The following WDFY4 variants were observed in gnomAD, a reference collection of about 807,000 sequenced individuals.
WDFY4 encodes the protein WD repeat- and FYVE domain-containing protein 4.
In WDFY4, 169 loss-of-function variants were observed where a neutral mutation model predicts 351.9. That is an observed-to-expected ratio of 0.48 (90% CI 0.42 to 0.55). The LOEUF is 0.55. Among genes scored for constraint, WDFY4 ranks in the 20% least tolerant of loss-of-function variants. WDFY4 has a pLI of 0.00. For synonymous variants in WDFY4, 1,622 were observed against 1,574.6 expected, an observed-to-expected ratio of 1.03 and a Z score of -0.71; for missense variants, 3,803 against 3,935.6, an observed-to-expected ratio of 0.97 and a Z score of 0.90.
chr10:48,740,461 G>A (rs2064817103), intron 11 of WDFY4, among the ~76,000 whole-genome samples: 1 of 152,220 alleles, frequency 6.6e-6, no homozygotes, highest in Non-Finnish European at 1.5e-5. Context: ...CCTCCAGGAT[G>A]GGGCAGGGAC....
chr10:48,848,711 C>T (rs928738447), intron 39 of WDFY4, among the ~76,000 whole-genome samples: 6 of 152,166 alleles, frequency 3.9e-5, no homozygotes, highest in Admixed American at 2.6e-4. Context: ...TTTTGGCGGG[C>T]TGGTGGGGAA....
At chr10:48,910,144 T>C in intron 47 of WDFY4, 1 of 1,203,260 alleles carries the variant, frequency 8.3e-7, no homozygotes, top group South Asian at 1.2e-5. Context: ...ACATCTCACT[T>C]GCCACTCTGT....
chr10:48,979,743 A>C (rs1842735559), intron 60 of WDFY4: 1 of 152,160 alleles, frequency 6.6e-6, no homozygotes, highest in South Asian at 2.1e-4. Flanking sequence ...ATTCAGCATC[A>C]ATGGTTGTGG....
chr10:48,823,295 G>A (rs2067889690), intron 35 of WDFY4: 1 of 1,287,348 alleles, frequency 7.8e-7, no homozygotes, highest in Non-Finnish European at 1.0e-6. Context: ...CCACCCAGGG[G>A]GATGTCTGTG....
chr10:48,908,638 T>TA (rs1837755023), intron 47 of WDFY4, among the ~76,000 whole-genome samples: 3 of 152,018 alleles, frequency 2.0e-5, no homozygotes, highest in Non-Finnish European at 2.9e-5. Flanking sequence ...TTTTTTTTTT[T>TA]AATTTTTATT....
At chr10:48,907,506 A>G (rs186953940) in intron 47 of WDFY4, among the ~76,000 whole-genome samples, 1 of 152,332 alleles carries the variant, frequency 6.6e-6, no homozygotes, top group African/African-American at 2.4e-5. Context: ...TTACAGTTGA[A>G]CATTTTCAGT....
At chr10:48,953,341 A>T (rs1265879975) in intron 51 of WDFY4, among the ~76,000 whole-genome samples, 10 of 142,852 alleles carry the variant, frequency 7.0e-5, no homozygotes, top group African/African-American at 1.8e-4. Flanking sequence ...TCTCACACAC[A>T]CACACACACA....
chr10:48,691,010 C>T (rs1483314975), intron 1 of WDFY4, among the ~76,000 whole-genome samples: 2 of 152,188 alleles, frequency 1.3e-5, no homozygotes, highest in African/African-American at 4.8e-5. Flanking sequence ...TGCTGCCTTC[C>T]ATGGTGCCCT....
rs1453920664 is a variant in WDFY4, at chr10:48,733,947, T to A, written c.1599T>A (p.Thr533=). ...ATATGGCAGGAAACAAAGTGTCCAC[T>A]CCTGGTGTTCAGGATCCAGAAAGAG... ...IMRKSGNKVS[T]PGVQDPEREL... is the part of the protein sequence containing the mutation. Residue 533 remains threonine (T), a synonymous_variant, in exon 10 of 62, where the codon ACT becomes ACA. Transcript: ENST00000325239. 1.3e-6 allele frequency: 2 copies of A among 1,551,746 alleles called. No homozygotes were observed. Among genetic ancestry groups the A allele is most frequent in the Admixed American group, 2.0e-5 (1 of 51,006 alleles).
rs1030667948 is a variant in WDFY4 at position 48,850,357 on chromosome 10, G to A, written c.6664-16908G>A. Among the ~76,000 whole-genome samples, 19 of 152,150 alleles carry A rather than the reference G, an allele frequency of 1.2e-4. 1 individual carries two copies. The highest frequency in any genetic ancestry group is 3.9e-4 in the East Asian group (2 of 5,170). ...TTATTTCTTCAATCTTATTTATGTC[G>A]GTAGAGATTCATTCATATTTATTTT... On this transcript the variant is annotated intron_variant, in intron 39 of 61. Transcript: ENST00000325239.
chr10:48,953,700 G>T (rs1175601968), intron 51 of WDFY4, among the ~76,000 whole-genome samples: 1 of 152,222 alleles, frequency 6.6e-6, no homozygotes, highest in Admixed American at 6.5e-5. Context: ...GTGGCAGCAG[G>T]TTGATTTGGA....
intron 2 of WDFY4, among the ~76,000 whole-genome samples, chr10:48,714,138 A>G (rs2063835596): frequency 6.6e-6 from 1 of 152,264 alleles, no homozygotes; most frequent in African/African-American, 2.4e-5. Flanking sequence ...TAACTTGGCC[A>G]AAGTCACCCA....
rs185684986 is a variant in WDFY4 at position 48,920,362 on chromosome 10, G to C, written c.7586+18499G>C. On this transcript the variant is annotated intron_variant, in intron 47 of 61. Coordinates refer to ENST00000325239, the MANE Select transcript of WDFY4 (RefSeq NM_001394531.1). ...AGGGGAGCATCACACACCGGGGCCT[G>C]TTGTGGGGTGGGGGGAAGGGGGAGG... Among the ~76,000 whole-genome samples, 41 of 134,828 alleles carry C rather than the reference G, an allele frequency of 3.0e-4. No homozygotes were observed. In the East Asian group the frequency reaches 7.8e-3, roughly 25 times the overall value. The allele number at this position is 134,828 out of a possible 152,430, so 88.5% of individuals were successfully genotyped here.
At chr10:48,760,028 G>A (rs966938272) in intron 12 of WDFY4, among the ~76,000 whole-genome samples, 1 of 152,032 alleles carries the variant, frequency 6.6e-6, no homozygotes, top group Non-Finnish European at 1.5e-5. Context: ...TGAAACCAGA[G>A]CTTCTCAATC....
At chr10:48,912,628 G>A (rs1838110284) in intron 47 of WDFY4, among the ~76,000 whole-genome samples, 1 of 152,226 alleles carries the variant, frequency 6.6e-6, no homozygotes, top group African/African-American at 2.4e-5. Flanking sequence ...CTAGCATGGT[G>A]CTGAGTAAGG....
At chr10:48,966,903 T>C in intron 55 of WDFY4, 1 of 561,184 alleles carries the variant, frequency 1.8e-6, no homozygotes. Context: ...TCTCTGTCTT[T>C]CTGTCTGTCT....
At chr10:48,954,274 C>T (rs903947553) in intron 51 of WDFY4, among the ~76,000 whole-genome samples, 1 of 152,230 alleles carries the variant, frequency 6.6e-6, no homozygotes, top group African/African-American at 2.4e-5. Context: ...GCTTGGCTGG[C>T]TCCATTGTCT....
intron 57 of WDFY4, among the ~76,000 whole-genome samples, chr10:48,970,621 A>T (rs150915858): frequency 6.6e-6 from 1 of 152,320 alleles, no homozygotes; most frequent in Non-Finnish European, 1.5e-5. Flanking sequence ...GTCTGGTGAA[A>T]TCAGTTTCCT....
At chr10:48,787,520 C>G (rs1376752830) in intron 20 of WDFY4, among the ~76,000 whole-genome samples, 1 of 152,240 alleles carries the variant, frequency 6.6e-6, no homozygotes, top group Non-Finnish European at 1.5e-5. Flanking sequence ...TCTCTACTAG[C>G]ACATTGGGTA....
Sources: gnomAD v4.1 joint callset for allele counts (sites outside exome capture counted in the v4.1 genomes callset) on GRCh38, gnomAD v4.1.1 for gene constraint, MANE v1.5 for transcripts, NCBI Gene and HGNC (gene_info 2026-07-23, HGNC 2026-07-21) for gene names.